CALCR: variants seen among roughly 807,000 people sequenced by gnomAD.
CALCR encodes calcitonin receptor.
Under a neutral mutation model 59.5 loss-of-function variants are expected in CALCR, and 47 were observed. The observed-to-expected ratio is 0.79, with a 90% confidence interval of 0.63 to 1.01. The LOEUF is 1.01. Ranked by LOEUF, CALCR falls within the 50% of genes least tolerant of loss-of-function variation. CALCR has a pLI of 0.00. For synonymous variants in CALCR, 213 were observed against 211.3 expected, an observed-to-expected ratio of 1.01 and a Z score of -0.07; for missense variants, 566 against 597.1, an observed-to-expected ratio of 0.95 and a Z score of 0.54.
chr7:93,501,226 G>T (rs1252016635), intron 2 of CALCR, among the ~76,000 whole-genome samples: 2 of 152,002 alleles, frequency 1.3e-5, no homozygotes, highest in Admixed American at 1.3e-4. Flanking sequence ...CTAAAATGAT[G>T]ATGTTAAAGT....
At chr7:93,503,222 C>A (rs1317431775) in intron 2 of CALCR, among the ~76,000 whole-genome samples, 1 of 152,102 alleles carries the variant, frequency 6.6e-6, no homozygotes. Context: ...GAGCAACACT[C>A]GTCTGGAATA....
intron 13 of CALCR, among the ~76,000 whole-genome samples, chr7:93,429,931 TTTGTTTTTTTG>T: frequency 1.3e-5 from 1 of 79,894 alleles, no homozygotes; most frequent in Non-Finnish European, 2.3e-5. Context: ...TTTTTGTTTG[TTTGTTTTTTTG>T]TTTTTTTTTG....
chr7:93,429,942 GTTTTT>G lies in CALCR; in HGVS notation c.1192-3358_1192-3354del, dbSNP rs372794402. 1.1e-4 allele frequency among the ~76,000 whole-genome samples: 10 copies of G among 92,512 alleles called. No individual in the cohort carries two copies. The East Asian group carries it at 2.3e-3, about 21-fold the overall frequency. The allele number at this position is 92,512 out of a possible 152,430, so 60.7% of individuals were successfully genotyped here. ...TTTTTTTTTGTTTGTTTGTTTTTTT[GTTTTT>G]TTTTGAGACAGAGTCTTGCTGTCTC... On this transcript the variant is annotated intron_variant, in intron 13 of 13. Transcript: ENST00000426151.
At chr7:93,557,211 C>G (rs969806545) in intron 2 of CALCR, among the ~76,000 whole-genome samples, 1 of 151,876 alleles carries the variant, frequency 6.6e-6, no homozygotes. Context: ...CAATCTCAGA[C>G]TGCTTATGTA....
chr7:93,457,656 C>T (rs1366621088), intron 8 of CALCR, among the ~76,000 whole-genome samples: 2 of 152,190 alleles, frequency 1.3e-5, no homozygotes, highest in Non-Finnish European at 2.9e-5. Context: ...ACGGTTTCTA[C>T]TCTTAATGGG....
chr7:93,527,015 T>C (rs1788673708), intron 2 of CALCR, among the ~76,000 whole-genome samples: 1 of 152,158 alleles, frequency 6.6e-6, no homozygotes, highest in South Asian at 2.1e-4. Flanking sequence ...AAGTCTATTT[T>C]TTTCTTCATA....
intron 2 of CALCR, among the ~76,000 whole-genome samples, chr7:93,494,572 C>T (rs1234371381): frequency 6.6e-6 from 1 of 151,412 alleles, no homozygotes; most frequent in Non-Finnish European, 1.5e-5. Flanking sequence ...GGAACTATAA[C>T]AAATGCCTCA....
chr7:93,546,311 CTTATATGG>C (rs1021714933), intron 2 of CALCR, among the ~76,000 whole-genome samples: 1 of 152,130 alleles, frequency 6.6e-6, no homozygotes, highest in Non-Finnish European at 1.5e-5. Flanking sequence ...TGAATGACAA[CTTATATGG>C]TTATACTATT....
chr7:93,560,420 C>A (rs1311990079), intron 2 of CALCR, among the ~76,000 whole-genome samples: 2 of 151,982 alleles, frequency 1.3e-5, no homozygotes, highest in African/African-American at 4.8e-5. Flanking sequence ...TGCTGGTATG[C>A]ACCTATTATA....
intron 2 of CALCR, among the ~76,000 whole-genome samples, chr7:93,508,262 C>A (rs1250515219): frequency 6.6e-6 from 1 of 151,950 alleles, no homozygotes; most frequent in African/African-American, 2.4e-5. Context: ...CAAAAGAAAA[C>A]CCCTCAATGT....
rs371453754 is a variant in CALCR, at chr7:93,460,822, G to T, written c.647C>A (p.Pro216Gln). ...VPNGELVRRD[P>Q]VSCKILHFFH... is the part of the protein sequence containing the mutation. Reference sequence around the variant, plus strand: ...AAAACAAAACTATGCAGTACTTACCGGGTCCCTTCGCACGAGCTCTCCATT... The same window carrying T: ...AAAACAAAACTATGCAGTACTTACCTGGTCCCTTCGCACGAGCTCTCCATT... Residue 216 changes from proline to glutamine, a missense_variant and splice_region_variant, in exon 8 of 14, where the codon CCG becomes CAG. Pro to Gln is a moderately conservative substitution (Grantham distance 76). Coordinates refer to ENST00000426151, the MANE Select transcript of CALCR (RefSeq NM_001742.4). 198 of 1,601,256 alleles carry T rather than the reference G, an allele frequency of 1.2e-4. No homozygotes were observed. The highest frequency in any genetic ancestry group is 1.7e-4 in the Non-Finnish European group (194 of 1,174,388).
At chr7:93,511,741 G>C (rs527395424) in intron 2 of CALCR, among the ~76,000 whole-genome samples, 1 of 152,288 alleles carries the variant, frequency 6.6e-6, no homozygotes, top group Non-Finnish European at 1.5e-5. Context: ...TGTAGTGAAT[G>C]ATGGCCATTG....
intron 2 of CALCR, among the ~76,000 whole-genome samples, chr7:93,569,319 A>G (rs1258412351): frequency 6.6e-6 from 1 of 152,164 alleles, no homozygotes; most frequent in Non-Finnish European, 1.5e-5. Context: ...TTAGTATGGT[A>G]GGCATGCAAG....
At chr7:93,507,833 G>A (rs1198031051) in intron 2 of CALCR, among the ~76,000 whole-genome samples, 1 of 151,044 alleles carries the variant, frequency 6.6e-6, no homozygotes, top group African/African-American at 2.4e-5. Context: ...TGAGGCAGGA[G>A]AATGGCATGA....
At chr7:93,491,301 C>T (rs1044178636) in intron 2 of CALCR, among the ~76,000 whole-genome samples, 1 of 151,958 alleles carries the variant, frequency 6.6e-6, no homozygotes, top group African/African-American at 2.4e-5. Flanking sequence ...ACCATAAAAA[C>T]TCTAGAAGAA....
intron 8 of CALCR, among the ~76,000 whole-genome samples, chr7:93,457,393 A>C (rs979115213): frequency 6.6e-6 from 1 of 152,154 alleles, no homozygotes; most frequent in Non-Finnish European, 1.5e-5. Context: ...CTCAGAAAAA[A>C]ACCTGAATTT....
chr7:93,481,985 G>C (rs1800807928), intron 3 of CALCR, among the ~76,000 whole-genome samples: 1 of 151,796 alleles, frequency 6.6e-6, no homozygotes, highest in African/African-American at 2.4e-5. Context: ...AGTGTAGACT[G>C]TGCTCTCATA....
chr7:93,450,235 C>T (rs1359844730), intron 8 of CALCR, among the ~76,000 whole-genome samples: 1 of 151,932 alleles, frequency 6.6e-6, no homozygotes, highest in East Asian at 1.9e-4. Flanking sequence ...TAAAGGTGCC[C>T]TAATCCTACC....
At chr7:93,459,197 A>C (rs528572323) in intron 8 of CALCR, among the ~76,000 whole-genome samples, 9 of 152,202 alleles carry the variant, frequency 5.9e-5, no homozygotes, top group Non-Finnish European at 1.3e-4. Flanking sequence ...TAAAAAATTA[A>C]TCTGGTAGAT....
Sources: allele counts gnomAD v4.1 joint callset (sites outside exome capture counted in the v4.1 genomes callset), GRCh38; gene constraint gnomAD v4.1.1; transcripts MANE v1.5; gene names NCBI Gene and HGNC (gene_info 2026-07-23, HGNC 2026-07-21).